Variants in ORC5 observed in about 807,000 individuals in gnomAD.
ORC5 encodes the protein origin recognition complex subunit 5, also known as protein phosphatase 1, regulatory subunit 117.
ORC5 carries 39 observed loss-of-function variants against 58.8 expected under a neutral mutation model. The ratio of observed to expected loss-of-function variants is 0.66; its 90% CI spans 0.51 to 0.87. ORC5 has a LOEUF of 0.87. ORC5 is among the 40% of genes least tolerant of loss of function. ORC5 has a pLI of 0.00. For synonymous variants in ORC5, 218 were observed against 177.6 expected, an observed-to-expected ratio of 1.23 and a Z score of -1.81; for missense variants, 493 against 506.3, an observed-to-expected ratio of 0.97 and a Z score of 0.25.
intron 11 of ORC5, among the ~76,000 whole-genome samples, chr7:104,164,381 G>A (rs185645682): frequency 4.0e-4 from 61 of 152,266 alleles, no homozygotes; most frequent in Non-Finnish European, 6.0e-4. Flanking sequence ...CCATGATCAC[G>A]CCATTGCACT....
intron 13 of ORC5, among the ~76,000 whole-genome samples, chr7:104,134,051 C>T (rs556537474): frequency 1.3e-5 from 2 of 152,232 alleles, no homozygotes; most frequent in South Asian, 4.1e-4. Context: ...ATGGCTTCAA[C>T]CTTGTTCTGT....
intron 8 of ORC5, among the ~76,000 whole-genome samples, chr7:104,169,296 T>C (rs1799166722): frequency 8.1e-6 from 1 of 123,392 alleles, no homozygotes; most frequent in Admixed American, 8.0e-5. Flanking sequence ...ACGAGTCGAA[T>C]CCTTGTAGGA....
intron 8 of ORC5, among the ~76,000 whole-genome samples, chr7:104,182,315 G>A (rs1276755601): frequency 1.3e-5 from 2 of 152,070 alleles, no homozygotes; most frequent in African/African-American, 2.4e-5. Context: ...CAGTTTTTTC[G>A]AAGATATTAG....
At chr7:104,205,138 G>A (rs1164884733) in intron 1 of ORC5, among the ~76,000 whole-genome samples, 1 of 127,312 alleles carries the variant, frequency 7.9e-6, no homozygotes, top group East Asian at 2.3e-4. Context: ...CACCCAGGCT[G>A]GAGTGCAATG....
chr7:104,196,692 A>G (rs1799808198), intron 4 of ORC5, among the ~76,000 whole-genome samples: 1 of 152,200 alleles, frequency 6.6e-6, no homozygotes, highest in South Asian at 2.1e-4. Context: ...TTATTATAAT[A>G]TTACTTAATA....
At chr7:104,137,495 A>C (rs1039713846) in intron 12 of ORC5, among the ~76,000 whole-genome samples, 1 of 151,960 alleles carries the variant, frequency 6.6e-6, no homozygotes, top group Non-Finnish European at 1.5e-5. Flanking sequence ...CTGGCATTTC[A>C]GTTTTTGTGC....
At chr7:104,166,470 C>T (rs1799109974) in intron 10 of ORC5, among the ~76,000 whole-genome samples, 1 of 152,184 alleles carries the variant, frequency 6.6e-6, no homozygotes, top group South Asian at 2.1e-4. Context: ...TTTAGAACAA[C>T]AAAGAGTTAC....
intron 11 of ORC5, 30 bp downstream of exon 11, chr7:104,165,205 T>C: frequency 9.1e-7 from 1 of 1,098,856 alleles, no homozygotes; most frequent in Non-Finnish European, 1.3e-6. Context: ...TTTCCTAAGT[T>C]TCTTCCATTA....
intron 8 of ORC5, among the ~76,000 whole-genome samples, chr7:104,175,650 A>C (rs1476404163): frequency 1.3e-5 from 2 of 152,212 alleles, no homozygotes; most frequent in Non-Finnish European, 2.9e-5. Flanking sequence ...AAGAGGTCAA[A>C]ATCTTGAGCT....
chr7:104,172,708 A>C (rs184708435), intron 8 of ORC5, among the ~76,000 whole-genome samples: 349 of 152,316 alleles, frequency 2.3e-3, no homozygotes, highest in Admixed American at 3.9e-3. Flanking sequence ...GGACTGTTAG[A>C]GGAGAAAGCC....
Position 104,207,958 on chromosome 7 carries a change from C to T in ORC5, c.-54G>A. 2 of 1,535,186 alleles carry T rather than the reference C, an allele frequency of 1.3e-6. No homozygotes were observed. The highest frequency in any genetic ancestry group is 2.7e-5 in the African/African-American group (2 of 73,322). ...GCAGCCAGCCCACAGGACCCTTGCA[C>T]AAGACGGAGCCTCTCCCGAGTCTGG... On this transcript the variant is annotated 5_prime_UTR_variant, in exon 1 of 14. It adds an upstream start codon to the 5' untranslated region. Coordinates refer to ENST00000297431, the MANE Select transcript of ORC5 (RefSeq NM_002553.4).
chr7:104,182,706 T>C (rs919146598), intron 8 of ORC5, among the ~76,000 whole-genome samples: 1 of 152,180 alleles, frequency 6.6e-6, no homozygotes, highest in Non-Finnish European at 1.5e-5. Context: ...CTCTCTGTGG[T>C]CATTTGATTT....
At chr7:104,166,621 T>G in intron 10 of ORC5, 151 bp downstream of exon 10, 3 of 519,072 alleles carry the variant, frequency 5.8e-6, no homozygotes, top group Non-Finnish European at 1.0e-5. Context: ...GGTTGTGACA[T>G]TAATGTAAAG....
At position 104,183,961 on chromosome 7, in the gene ORC5, TAA is replaced by T. The variant is rs1209914687; in HGVS notation, c.804_805del (p.Tyr269SerfsTer16). 5 of 1,611,248 alleles carry T rather than the reference TAA, an allele frequency of 3.1e-6. No homozygotes were observed. Among genetic ancestry groups the T allele is most frequent in the Non-Finnish European group, 4.2e-6 (5 of 1,178,244 alleles). ...AAATTACCTTGATATTTCCCTGAGA[TAA>T]ACAGTCTGCATAGCTTTCTTCAAAT... On this transcript the variant is annotated frameshift_variant, in exon 8 of 14. Coordinates refer to ENST00000297431, the MANE Select transcript of ORC5 (RefSeq NM_002553.4). LOFTEE classifies it high-confidence loss of function.
chr7:104,196,542 A>C (rs1799805706), intron 4 of ORC5, among the ~76,000 whole-genome samples: 1 of 152,106 alleles, frequency 6.6e-6, no homozygotes. Flanking sequence ...CTATTACTAA[A>C]AGTAAACTTC....
chr7:104,192,842 T>C (rs1799705701), intron 5 of ORC5, among the ~76,000 whole-genome samples: 1 of 151,320 alleles, frequency 6.6e-6, no homozygotes, highest in Non-Finnish European at 1.5e-5. Flanking sequence ...CAGGATTAGA[T>C]TAGCTGCCCA....
intron 8 of ORC5, among the ~76,000 whole-genome samples, chr7:104,181,391 A>G (rs2115958364): frequency 6.6e-6 from 1 of 152,176 alleles, no homozygotes; most frequent in Admixed American, 6.5e-5. Context: ...AAATATGTTT[A>G]TTCACTAAGT....
rs1393684000 is a variant in ORC5, at chr7:104,129,978, T to C, written c.1263-3085A>G. 6.6e-6 allele frequency among the ~76,000 whole-genome samples: 1 copy of C among 152,214 alleles called. No individual in the cohort carries two copies. The highest frequency in any genetic ancestry group is 1.5e-5 in the Non-Finnish European group (1 of 68,034). On this transcript the variant is annotated intron_variant, in intron 13 of 13. Transcript: ENST00000297431. The surrounding 1 kb of genome is among the most constrained non-coding windows in gnomAD (Gnocchi z 4.9). ...TTATCCTTTTATTTCATTTTGTTGA[T>C]TCATTAAAATACTTTTTCTTTCTTT... is the stretch of plus-strand genomic sequence containing the variant.
intron 12 of ORC5, among the ~76,000 whole-genome samples, chr7:104,158,861 C>T (rs1197556086): frequency 1.3e-5 from 2 of 151,928 alleles, no homozygotes; most frequent in Non-Finnish European, 2.9e-5. Flanking sequence ...GAAATAGGAA[C>T]ACTTTTACAC....
Sources: gnomAD v4.1 joint callset for allele counts (sites outside exome capture counted in the v4.1 genomes callset) on GRCh38, gnomAD v4.1.1 for gene constraint, Gnocchi (gnomAD v3.1) non-coding constraint, MANE v1.5 for transcripts, NCBI Gene and HGNC (gene_info 2026-07-23, HGNC 2026-07-21) for gene names.